FAM114A2: variants seen among roughly 807,000 people sequenced by gnomAD.
FAM114A2 encodes protein FAM114A2.
In FAM114A2, 53 loss-of-function variants were observed where a neutral mutation model predicts 58.4. The ratio of observed to expected loss-of-function variants is 0.91; its 90% CI spans 0.73 to 1.14. FAM114A2 has a LOEUF of 1.14. FAM114A2 is among the 50% of genes most tolerant of loss of function. The pLI is 0.00. For synonymous variants in FAM114A2, 228 were observed against 211.4 expected (o/e 1.08, Z -0.68); for missense variants, 601 against 581.1 (o/e 1.03, Z -0.35).
intron 9 of FAM114A2, among the ~76,000 whole-genome samples, chr5:154,006,317 A>G (rs1770340290): frequency 6.6e-6 from 1 of 152,214 alleles, no homozygotes; most frequent in Non-Finnish European, 1.5e-5. Context: ...AAGCAAACAA[A>G]CAAAAACATA....
At chr5:154,025,390 C>T (rs1771708949) in intron 8 of FAM114A2, among the ~76,000 whole-genome samples, 1 of 151,794 alleles carries the variant, frequency 6.6e-6, no homozygotes, top group Non-Finnish European at 1.5e-5. Flanking sequence ...CAATTTTATG[C>T]ATCATTGTTA....
chr5:153,997,749 A>T (rs1269653309), intron 12 of FAM114A2, 54 bp downstream of exon 12: 48 of 1,087,746 alleles, frequency 4.4e-5, no homozygotes, highest in Non-Finnish European at 6.6e-5. Context: ...ATGATATTTA[A>T]ACTGCTAAAG....
rs1770096708 is a variant in FAM114A2, at chr5:154,002,986, T to C, written c.994-17A>G. 6.2e-7 allele frequency: 1 copy of C among 1,612,924 alleles called. No homozygotes were observed. Among genetic ancestry groups the C allele is most frequent in the Non-Finnish European group, 8.5e-7 (1 of 1,179,276 alleles). On this transcript the variant is annotated splice_polypyrimidine_tract_variant and intron_variant, in intron 9 of 13. Coordinates refer to ENST00000351797, the MANE Select transcript of FAM114A2 (RefSeq NM_018691.4). The stretch of plus-strand genomic sequence containing the variant: ...ATTTCTTGCCTAAATAAGAAAAATA[T>C]TGGCCATCAACAATTCAATTCAGTT...
intron 9 of FAM114A2, 112 bp downstream of exon 9, chr5:154,011,129 A>C: frequency 1.3e-6 from 1 of 784,550 alleles, no homozygotes; most frequent in Non-Finnish European, 2.1e-6. Context: ...TATAACGAGA[A>C]TATACCTTCG....
chr5:153,994,739 G>C, intron 13 of FAM114A2, 180 bp downstream of exon 13: 1 of 547,488 alleles, frequency 1.8e-6, no homozygotes, highest in South Asian at 2.4e-5. Context: ...TCAACTGTAT[G>C]CTTTCTAATT....
rs573128954 is a variant in FAM114A2, at chr5:154,023,750, A to G, written c.913+2649T>C. Among the ~76,000 whole-genome samples the G allele has an allele frequency of 4.6e-5, 7 of 152,184 alleles. No individual in the cohort carries two copies. In the East Asian group the frequency reaches 1.4e-3, roughly 29 times the overall value. ...CAGTAAAGAACTTATGTAATCAAACACCACCTGTTCCCTGATAACCTATGG... is the reference window on the plus strand; with the variant it reads ...CAGTAAAGAACTTATGTAATCAAACGCCACCTGTTCCCTGATAACCTATGG... On this transcript the variant is annotated intron_variant, in intron 8 of 13. Coordinates refer to ENST00000351797, the MANE Select transcript of FAM114A2 (RefSeq NM_018691.4).
chr5:154,010,506 C>T (rs1018371065), intron 9 of FAM114A2, among the ~76,000 whole-genome samples: 1 of 152,092 alleles, frequency 6.6e-6, no homozygotes, highest in Non-Finnish European at 1.5e-5. Flanking sequence ...ACTGGGTTGA[C>T]TATGCAATAG....
chr5:154,017,954 T>C (rs1771150696), intron 8 of FAM114A2, among the ~76,000 whole-genome samples: 1 of 152,002 alleles, frequency 6.6e-6, no homozygotes, highest in Non-Finnish European at 1.5e-5. Context: ...AACACCTACA[T>C]CAAAAAGTCT....
At chr5:153,997,557 A>G (rs1393191201) in intron 12 of FAM114A2, among the ~76,000 whole-genome samples, 1 of 152,192 alleles carries the variant, frequency 6.6e-6, no homozygotes, top group African/African-American at 2.4e-5. Flanking sequence ...TAGAGAAAGA[A>G]AGCAGATTCA....
intron 8 of FAM114A2, among the ~76,000 whole-genome samples, chr5:154,017,373 C>T (rs34175647): frequency 0.12 from 18,418 of 152,148 alleles, 1,268 homozygotes; most frequent in African/African-American, 0.15. Context: ...ACCTGGGAGG[C>T]AGAGGTTGCG....
intron 8 of FAM114A2, among the ~76,000 whole-genome samples, chr5:154,017,346 G>A (rs532440301): frequency 8.1e-4 from 124 of 152,366 alleles, no homozygotes; most frequent in African/African-American, 2.8e-3. Flanking sequence ...GGAGGCTGAG[G>A]CAGAAGAATC....
intron 9 of FAM114A2, among the ~76,000 whole-genome samples, chr5:154,009,330 G>A (rs1322297248): frequency 6.6e-6 from 1 of 152,042 alleles, no homozygotes; most frequent in Admixed American, 6.6e-5. Flanking sequence ...TAAGGACAGT[G>A]ATGAATTACA....
At chr5:154,002,000 T>C (rs1357004124) in intron 11 of FAM114A2, among the ~76,000 whole-genome samples, 1 of 152,204 alleles carries the variant, frequency 6.6e-6, no homozygotes, top group Non-Finnish European at 1.5e-5. Context: ...CCAAATTCCA[T>C]TCCTATTAAA....
intron 8 of FAM114A2, among the ~76,000 whole-genome samples, chr5:154,024,697 A>G (rs559951992): frequency 1.3e-5 from 2 of 152,332 alleles, no homozygotes; most frequent in African/African-American, 4.8e-5. Flanking sequence ...ATATTGCAGT[A>G]TACCTGAAAC....
intron 9 of FAM114A2, among the ~76,000 whole-genome samples, chr5:154,004,083 G>A (rs1472024494): frequency 6.6e-6 from 1 of 152,148 alleles, no homozygotes; most frequent in Non-Finnish European, 1.5e-5. Flanking sequence ...CATCAGCTAG[G>A]TTTGTGTAAG....
intron 11 of FAM114A2, among the ~76,000 whole-genome samples, chr5:154,000,051 G>A (rs764324295): frequency 2.6e-5 from 4 of 152,128 alleles, no homozygotes; most frequent in Non-Finnish European, 4.4e-5. Context: ...CAGCAACATG[G>A]ATAGAACTGC....
At chr5:154,023,931 TTA>T (rs1160694946) in intron 8 of FAM114A2, among the ~76,000 whole-genome samples, 2 of 152,158 alleles carry the variant, frequency 1.3e-5, no homozygotes, top group Non-Finnish European at 2.9e-5. Context: ...ACAGTTAACT[TTA>T]TGTTTCCTGT....
chr5:154,026,404 T>G lies in FAM114A2; in HGVS notation c.908A>C (p.Lys303Thr), dbSNP rs1771772840. 6.4e-7 allele frequency: 1 copy of G among 1,567,456 alleles called. No homozygotes were observed. ...ATACTAAATTTTCATATTACCTTTTTTCTCTTCTTCCTCTTCTTCACAAAA... is the reference window on the plus strand; with the variant it reads ...ATACTAAATTTTCATATTACCTTTTGTCTCTTCTTCCTCTTCTTCACAAAA... The part of the protein sequence containing the change: ...AEFCEEEEEE[K>T]KGDEDFTKDI... Residue 303 changes from lysine (K) to threonine (T), a missense_variant, in exon 8 of 14, where the codon AAA (lysine) becomes ACA (threonine). Transcript: ENST00000351797.
At chr5:154,019,349 G>T (rs116581539) in intron 8 of FAM114A2, among the ~76,000 whole-genome samples, 2,522 of 152,126 alleles carry the variant, frequency 0.017, 22 homozygotes, top group Non-Finnish European at 0.025. Context: ...CCCCAACAAG[G>T]AAAACTACAA....
Sources: gnomAD v4.1 joint callset for allele counts (sites outside exome capture counted in the v4.1 genomes callset) on GRCh38, gnomAD v4.1.1 for gene constraint, MANE v1.5 for transcripts, NCBI Gene and HGNC (gene_info 2026-07-23, HGNC 2026-07-21) for gene names.